TCF4: variants seen among roughly 807,000 people sequenced by gnomAD.
TCF4 encodes SL3-3 enhancer factor 2.
TCF4 carries 3 observed loss-of-function variants against 82.1 expected under a neutral mutation model. The ratio of observed to expected loss-of-function variants is 0.04; its 90% CI spans 0.02 to 0.09. TCF4 has a LOEUF of 0.09. Among genes scored for constraint, TCF4 ranks in the 10% least tolerant of loss-of-function variants. TCF4 has a pLI of 1.00. For missense variants in TCF4, 518 were observed against 852.7 expected (o/e 0.61, Z 4.89); for synonymous variants, 276 against 309.6 (o/e 0.89, Z 1.14).
chr18:55,631,491 TTAGG>T, intron 1 of TCF4: 2 of 1,270,346 alleles, frequency 1.6e-6, no homozygotes, highest in Non-Finnish European at 2.2e-6. Flanking sequence ...ATGTTTTGGG[TTAGG>T]GTAATGCCCT....
chr18:55,588,004 CGCCCCGCCGA>C, intron 1 of TCF4, 24 bp downstream of exon 1: 2 of 980,444 alleles, frequency 2.0e-6, no homozygotes, highest in Non-Finnish European at 2.4e-6. Context: ...CGGGCGCCTC[CGCCCCGCCGA>C]GCCCCGCAGG....
At chr18:55,532,897 T>C (rs2097079658) in intron 3 of TCF4, among the ~76,000 whole-genome samples, 1 of 152,094 alleles carries the variant, frequency 6.6e-6, no homozygotes, top group East Asian at 1.9e-4. Flanking sequence ...CTTACCTCTC[T>C]GTGAAATGGA....
chr18:55,556,511 ATTTC>A (rs1011956095), intron 3 of TCF4, among the ~76,000 whole-genome samples: 4 of 152,086 alleles, frequency 2.6e-5, no homozygotes, highest in African/African-American at 4.8e-5. Flanking sequence ...TGCACTGAGA[ATTTC>A]TTTCTTTCTT....
chr18:55,441,705 T>C (rs766004632), intron 5 of TCF4, among the ~76,000 whole-genome samples: 1 of 152,212 alleles, frequency 6.6e-6, no homozygotes, highest in African/African-American at 2.4e-5. Flanking sequence ...TAAAGTAACA[T>C]ATGTATTACA....
intron 8 of TCF4, chr18:55,321,574 T>C (rs2075502009): frequency 1.3e-6 from 2 of 1,516,962 alleles, no homozygotes; most frequent in Admixed American, 3.9e-5. Context: ...GCGGCAGTCC[T>C]GCACAACTTT....
At chr18:55,556,672 G>A (rs1412017034) in intron 3 of TCF4, among the ~76,000 whole-genome samples, 5 of 152,096 alleles carry the variant, frequency 3.3e-5, no homozygotes, top group African/African-American at 1.2e-4. Context: ...GAATTTCAAA[G>A]GGAACTTTTC....
At chr18:55,504,412 A>T (rs2096732312) in intron 3 of TCF4, among the ~76,000 whole-genome samples, 1 of 152,218 alleles carries the variant, frequency 6.6e-6, no homozygotes, top group African/African-American at 2.4e-5. Context: ...GAAAATTAGA[A>T]ATCCTACTAA....
Position 55,559,410 on chromosome 18 carries a change from C to T in TCF4, c.145+25870G>A, listed in dbSNP as rs1603623024. ...TAACATAATTAGGTGAAATGAAGTG[C>T]ACTTATAAACACGGATACTTAAACC... On this transcript the variant is annotated intron_variant, in intron 3 of 19. Coordinates refer to ENST00000354452, the MANE Select transcript of TCF4 (RefSeq NM_001083962.2). Among the ~76,000 whole-genome samples, 7 of 152,038 alleles carry T rather than the reference C, an allele frequency of 4.6e-5. 1 individual carries two copies. Among genetic ancestry groups the T allele is most frequent in the Admixed American group, 4.6e-4 (7 of 15,258 alleles).
At chr18:55,291,078 C>T (rs955535287) in intron 8 of TCF4, among the ~76,000 whole-genome samples, 10 of 152,110 alleles carry the variant, frequency 6.6e-5, no homozygotes, top group African/African-American at 2.4e-4. Context: ...AAGTGGTCAA[C>T]CATGCTACCC....
chr18:55,512,399 C>A (rs2096837493), intron 3 of TCF4, among the ~76,000 whole-genome samples: 1 of 152,050 alleles, frequency 6.6e-6, no homozygotes, highest in Admixed American at 6.6e-5. Flanking sequence ...AAACAAATTT[C>A]ATGTTATGTT....
intron 10 of TCF4, among the ~76,000 whole-genome samples, chr18:55,270,984 T>C (rs1486589446): frequency 1.3e-5 from 2 of 152,192 alleles, no homozygotes; most frequent in Non-Finnish European, 2.9e-5. Flanking sequence ...GTCTTTATTA[T>C]ATCATTATTG....
intron 6 of TCF4, among the ~76,000 whole-genome samples, chr18:55,356,316 G>A (rs1437053718): frequency 1.3e-5 from 2 of 152,180 alleles, no homozygotes; most frequent in African/African-American, 4.8e-5. Context: ...ATATATGGGA[G>A]TCTACATAAC....
At chr18:55,442,891 C>A (rs1474062229) in intron 5 of TCF4, among the ~76,000 whole-genome samples, 1 of 152,168 alleles carries the variant, frequency 6.6e-6, no homozygotes, top group Non-Finnish European at 1.5e-5. Context: ...TAGGTTGTAA[C>A]CAGCCCAGAG....
At chr18:55,484,164 G>A (rs557960045) in intron 3 of TCF4, among the ~76,000 whole-genome samples, 2 of 152,270 alleles carry the variant, frequency 1.3e-5, no homozygotes, top group East Asian at 1.9e-4. Context: ...TCCAAATTTG[G>A]ATGAAAGATG....
chr18:55,237,466 A>ACT (rs1373525865), intron 15 of TCF4, among the ~76,000 whole-genome samples: 5 of 132,310 alleles, frequency 3.8e-5, no homozygotes, highest in African/African-American at 1.4e-4. Flanking sequence ...AGTTGTTCTG[A>ACT]CTTTTTTTTT....
intron 6 of TCF4, among the ~76,000 whole-genome samples, chr18:55,379,799 T>G (rs2091557171): frequency 6.6e-6 from 1 of 152,120 alleles, no homozygotes; most frequent in Non-Finnish European, 1.5e-5. Context: ...ACAACAAGCA[T>G]TTACTTCTAA....
Position 55,587,081 on chromosome 18 carries a change from C to G in TCF4, c.36G>C (p.Thr12=), listed in dbSNP as rs373774656. 48 of 1,613,386 alleles carry G rather than the reference C, an allele frequency of 3.0e-5. No homozygotes were observed. The highest frequency in any genetic ancestry group is 3.7e-5 in the Non-Finnish European group (44 of 1,179,910). The change falls in exon 2 of 20, where the codon ACG becomes ACC. Residue 12 remains threonine, a synonymous_variant. Coordinates refer to ENST00000354452, the MANE Select transcript of TCF4 (RefSeq NM_001083962.2). ...HHQQRMAALG[T]DKELSDLLDF... The stretch of plus-strand genomic sequence containing the variant: ...CCAGTAAATCACTCAGCTCTTTGTC[C>G]GTCCCTAAGGCAGCCATTCGCTGTT...
At chr18:55,274,250 G>A (rs555712651) in intron 10 of TCF4, among the ~76,000 whole-genome samples, 9 of 152,158 alleles carry the variant, frequency 5.9e-5, no homozygotes, top group Non-Finnish European at 1.5e-5. Flanking sequence ...ATAGGAGGTG[G>A]GAAAAGAGAA....
At chr18:55,460,963 T>C (rs2095858517) in intron 5 of TCF4, 56 bp downstream of exon 5, 2 of 1,482,046 alleles carry the variant, frequency 1.3e-6, no homozygotes, top group Non-Finnish European at 1.9e-6. Flanking sequence ...GGTTTTACCT[T>C]CTATAGTAAA....
Sources: gnomAD v4.1 joint callset for allele counts (sites outside exome capture counted in the v4.1 genomes callset) on GRCh38, gnomAD v4.1.1 for gene constraint, MANE v1.5 for transcripts, NCBI Gene and HGNC (gene_info 2026-07-23, HGNC 2026-07-21) for gene names.